Variants in FRZB observed in about 807,000 individuals in gnomAD.
FRZB encodes frizzled related protein, also known as secreted frizzled-related protein 3.
Under a neutral mutation model 32.5 loss-of-function variants are expected in FRZB, and 34 were observed. The ratio of observed to expected loss-of-function variants is 1.05; its 90% CI spans 0.80 to 1.39. FRZB has a LOEUF of 1.39. Among genes scored for constraint, FRZB ranks in the 40% most tolerant of loss-of-function variants. FRZB has a pLI of 0.00. For missense variants in FRZB, 423 were observed against 424.8 expected (o/e 1.00, Z 0.04); for synonymous variants, 170 against 159.2 (o/e 1.07, Z -0.51).
Position 182,834,879 on chromosome 2 carries a change from C to G in FRZB, c.948G>C (p.Arg316Ser), listed in dbSNP as rs1298859656. Reference sequence around the variant, plus strand: ...TGCGTGCTTGCCGGGGGTTCGAGTTCCTGCCAGACTTCTGACTCTGAGTGG... The same window carrying G: ...TGCGTGCTTGCCGGGGGTTCGAGTTGCTGCCAGACTTCTGACTCTGAGTGG... Reference protein sequence around the residue: ...SDSTQSQKSGRNSNPRQARN With the variant: ...SDSTQSQKSGSNSNPRQARN The change falls in exon 6 of 6, where the codon AGG (arginine) becomes AGC (serine). Residue 316 changes from arginine to serine, a missense_variant. By Grantham distance (110) the Arg-to-Ser change is moderately radical. Transcript: ENST00000295113. The G allele has an allele frequency of 1.2e-6, 2 of 1,613,338 alleles. No individual in the cohort carries two copies. Among genetic ancestry groups the G allele is most frequent in the Non-Finnish European group, 1.7e-6 (2 of 1,179,630 alleles).
rs574818487 is a variant in FRZB at position 182,833,619 on chromosome 2, G to A, written c.*1230C>T. The A allele has an allele frequency of 2.0e-5, 3 of 152,242 alleles. No individual in the cohort carries two copies. In the South Asian group the frequency reaches 6.2e-4, roughly 32 times the overall value. The allele number at this position is 152,242 out of a possible 1,614,324, so 9.4% of individuals were successfully genotyped here. On this transcript the variant is annotated 3_prime_UTR_variant, in exon 6 of 6. Transcript: ENST00000295113. ...ATCATTTGTTCACCACAGCCCCTGG[G>A]ATCTCACCACAGCTTGGGTAATGAG...
intron 3 of FRZB, among the ~76,000 whole-genome samples, chr2:182,839,664 C>G (rs1695565466): frequency 6.6e-6 from 1 of 152,000 alleles, no homozygotes; most frequent in Admixed American, 6.6e-5. Flanking sequence ...TGTTCAGATT[C>G]CTGCTTCTAG....
At chr2:182,851,742 G>C (rs868541485) in intron 2 of FRZB, among the ~76,000 whole-genome samples, 9 of 152,076 alleles carry the variant, frequency 5.9e-5, no homozygotes, top group Admixed American at 2.6e-4. Flanking sequence ...GAGTACCCAG[G>C]TAGAAGTGTT....
Position 182,866,516 on chromosome 2 carries a change from G to A in FRZB, c.37C>T (p.Arg13Trp). The A allele has an allele frequency of 6.7e-7, 1 of 1,490,292 alleles. No homozygotes were observed. The allele number at this position is 1,490,292 out of a possible 1,614,324, so 92.3% of individuals were successfully genotyped here. A position where few individuals can be genotyped will look rare whatever the true frequency, so the allele number is the denominator to read the frequency against. ...GCAGCCAGGGCAAGCAGCCCGGCCCGCAGCAGCAGCATCCCTCCCGGGCTG... is the reference window on the plus strand; with the variant it reads ...GCAGCCAGGGCAAGCAGCCCGGCCCACAGCAGCAGCATCCCTCCCGGGCTG... ...CGSPGGMLLL[R>W]AGLLALAALC... The change falls in exon 1 of 6, where the codon CGG becomes TGG. Residue 13 changes from arginine to tryptophan, a missense_variant. Physicochemically the swap from Arg to Trp is moderately radical, Grantham distance 101. Transcript: ENST00000295113. The surrounding 1 kb of genome is among the most constrained non-coding windows in gnomAD (Gnocchi z 4.5).
chr2:182,841,437 T>C (rs288329), intron 3 of FRZB, among the ~76,000 whole-genome samples: 131,335 of 152,118 alleles, frequency 0.86, 56,725 homozygotes, highest in East Asian at 0.97. Flanking sequence ...TTTAAAATAG[T>C]GTACATAAAT....
intron 2 of FRZB, among the ~76,000 whole-genome samples, chr2:182,849,450 T>C (rs1695686707): frequency 6.6e-6 from 1 of 152,140 alleles, no homozygotes; most frequent in African/African-American, 2.4e-5. Context: ...AAAGGAAGTG[T>C]GTCTTGACTT....
Position 182,842,492 on chromosome 2 carries a change from T to C in FRZB, c.578A>G (p.Asn193Ser), listed in dbSNP as rs145951169. 790 of 1,612,442 alleles carry C rather than the reference T, an allele frequency of 4.9e-4. 2 individuals are homozygous for C. The highest frequency in any genetic ancestry group is 6.5e-4 in the Non-Finnish European group (761 of 1,178,728). Residue 193 changes from asparagine (N) to serine (S), a missense_variant, in exon 3 of 6, where the codon AAC becomes AGC. Coordinates refer to ENST00000295113, the MANE Select transcript of FRZB (RefSeq NM_001463.4). ...ATTTTCCTTACCATAGTTGTAATTG[T>C]TCCGGAAATAGGTCTTCTGTGTAGC... ...IRATQKTYFR[N>S]NYNYVIRAKV...
intron 2 of FRZB, among the ~76,000 whole-genome samples, chr2:182,850,713 T>G (rs1483340160): frequency 6.6e-6 from 1 of 152,222 alleles, no homozygotes; most frequent in African/African-American, 2.4e-5. Flanking sequence ...CTTCAATGTA[T>G]TAATTCCCTT....
intron 5 of FRZB, among the ~76,000 whole-genome samples, 183 bp from the exon 6 acceptor site, chr2:182,835,148 G>T (rs554044601): frequency 6.6e-6 from 1 of 152,166 alleles, no homozygotes; most frequent in South Asian, 2.1e-4. Flanking sequence ...ATTATTCTCT[G>T]ACTTTAACAA....
chr2:182,850,943 G>A (rs1048017004), intron 2 of FRZB, among the ~76,000 whole-genome samples: 2 of 152,084 alleles, frequency 1.3e-5, no homozygotes, highest in Admixed American at 1.3e-4. Context: ...TCTCACTGTG[G>A]TTTTGATTTG....
chr2:182,835,431 A>C (rs948338022), intron 5 of FRZB, among the ~76,000 whole-genome samples: 1 of 151,002 alleles, frequency 6.6e-6, no homozygotes, highest in Admixed American at 6.6e-5. Flanking sequence ...AAAAAAATGG[A>C]AATTTTTTTG....
chr2:182,841,657 C>T (rs1695587338), intron 3 of FRZB, among the ~76,000 whole-genome samples: 1 of 152,062 alleles, frequency 6.6e-6, no homozygotes, highest in Non-Finnish European at 1.5e-5. Flanking sequence ...GTTAATTGCC[C>T]TTTCTAAATA....
intron 3 of FRZB, among the ~76,000 whole-genome samples, chr2:182,840,870 T>C (rs547271819): frequency 1.1e-4 from 16 of 152,182 alleles, no homozygotes; most frequent in Admixed American, 7.2e-4. Context: ...GCAACAACCA[T>C]TGAAGCACTA....
At chr2:182,865,876 G>A (rs1455483692) in intron 1 of FRZB, among the ~76,000 whole-genome samples, 199 bp downstream of exon 1, 2 of 152,186 alleles carry the variant, frequency 1.3e-5, no homozygotes, top group Admixed American at 6.5e-5. Context: ...CAGTTTGGAA[G>A]GTGATAAGGT....
chr2:182,852,895 C>G (rs1695725532), intron 2 of FRZB, among the ~76,000 whole-genome samples: 1 of 152,174 alleles, frequency 6.6e-6, no homozygotes, highest in Non-Finnish European at 1.5e-5. Context: ...AGCTTTGAGG[C>G]AAAGAATATA....
rs1254276258 is a variant in FRZB at position 182,834,920 on chromosome 2, A to T, written c.907T>A (p.Ser303Thr). The T allele has an allele frequency of 6.2e-7, 1 of 1,613,256 alleles. No individual in the cohort carries two copies. Among genetic ancestry groups the T allele is most frequent in the African/African-American group, 1.3e-5 (1 of 74,842 alleles). ...LRHLGLSKSD[S>T]SNSDSTQSQK... is the part of the protein sequence containing the mutation. ...CTCTGAGTGGAATCACTATTGCTAG[A>T]ATCACTTTTACTGAGTCCAAGATGA... Residue 303 changes from serine (S) to threonine (T), a missense_variant, in exon 6 of 6, where the codon TCT (serine) becomes ACT (threonine). Transcript: ENST00000295113.
At position 182,838,521 on chromosome 2, in the gene FRZB, T is replaced by G; in HGVS notation, c.685A>C (p.Asn229His). Residue 229 changes from asparagine to histidine, a missense_variant, in exon 4 of 6, where the codon AAC becomes CAC. Asn to His is a moderately conservative substitution (Grantham distance 68, BLOSUM62 1). Transcript: ENST00000295113. ...AGGTTGACAGTGTCCCGTGGAATGTTTACCAGAGAGGACTTTAGAATCTCC... is the reference window on the plus strand; with the variant it reads ...AGGTTGACAGTGTCCCGTGGAATGTGTACCAGAGAGGACTTTAGAATCTCC... ...VKEILKSSLV[N>H]IPRDTVNLYT... The G allele has an allele frequency of 6.2e-7, 1 of 1,613,056 alleles. No individual in the cohort carries two copies. Among genetic ancestry groups the G allele is most frequent in the Non-Finnish European group, 8.5e-7 (1 of 1,179,264 alleles).
intron 2 of FRZB, among the ~76,000 whole-genome samples, chr2:182,850,780 T>C (rs922730316): frequency 3.9e-5 from 6 of 152,218 alleles, no homozygotes; most frequent in Admixed American, 3.9e-4. Flanking sequence ...GTTCTATTTT[T>C]AGTTTTTTGA....
intron 2 of FRZB, among the ~76,000 whole-genome samples, chr2:182,854,411 T>TG (rs1478048878): frequency 6.6e-6 from 1 of 152,148 alleles, no homozygotes. Flanking sequence ...ACAGGAAGAC[T>TG]GGGGGGAGAA....
Sources: allele counts gnomAD v4.1 joint callset (sites outside exome capture counted in the v4.1 genomes callset), GRCh38; gene constraint gnomAD v4.1.1; non-coding constraint Gnocchi (gnomAD v3.1); transcripts MANE v1.5; gene names NCBI Gene and HGNC (gene_info 2026-07-23, HGNC 2026-07-21).